CRACD: variants seen among roughly 807,000 people sequenced by gnomAD.
CRACD encodes the protein capping protein inhibiting regulator of actin dynamics, also known as capping protein-inhibiting regulator of actin dynamics.
A neutral mutation model predicts 106.8 loss-of-function variants in CRACD; 56 were observed. The ratio of observed to expected loss-of-function variants is 0.52; its 90% CI spans 0.42 to 0.66. CRACD has a LOEUF of 0.66. CRACD is among the 30% of genes least tolerant of loss of function. The pLI is 0.00. For synonymous variants in CRACD, 754 were observed against 670.8 expected, an observed-to-expected ratio of 1.12 and a Z score of -1.92; for missense variants, 1,730 against 1,623.2, an observed-to-expected ratio of 1.07 and a Z score of -1.13.
At chr4:56,060,572 G>A (rs955564084) in intron 1 of CRACD, among the ~76,000 whole-genome samples, 8 of 152,192 alleles carry the variant, frequency 5.3e-5, no homozygotes, top group East Asian at 1.9e-4. Flanking sequence ...TGGCAGGAAC[G>A]TCAGGCATGG....
At chr4:56,267,031 C>T (rs1025950835) in intron 2 of CRACD, among the ~76,000 whole-genome samples, 3 of 152,266 alleles carry the variant, frequency 2.0e-5, no homozygotes. Context: ...AATGTAATTT[C>T]TGAGTCTTTT....
intron 4 of CRACD, 70 bp from the exon 5 acceptor site, chr4:56,307,465 G>T (rs1440329135): frequency 4.6e-6 from 7 of 1,523,466 alleles, no homozygotes; most frequent in Non-Finnish European, 6.3e-6. Context: ...TAGACATGCT[G>T]GAGAACCTGG....
At chr4:56,240,182 T>C (rs990063027) in intron 2 of CRACD, among the ~76,000 whole-genome samples, 1 of 152,146 alleles carries the variant, frequency 6.6e-6, no homozygotes, top group Non-Finnish European at 1.5e-5. Context: ...TGGGTTATAA[T>C]AAATGGCATT....
intron 1 of CRACD, among the ~76,000 whole-genome samples, chr4:56,178,719 T>C (rs1736689520): frequency 6.6e-6 from 1 of 152,208 alleles, no homozygotes; most frequent in Admixed American, 6.5e-5. Flanking sequence ...AGGGCCTGTG[T>C]TAATCTGAGG....
intron 2 of CRACD, among the ~76,000 whole-genome samples, chr4:56,229,786 G>A (rs1022876061): frequency 2.6e-5 from 4 of 152,140 alleles, no homozygotes; most frequent in African/African-American, 9.7e-5. Context: ...CTCAGCCAGG[G>A]ATAAGGTGTA....
chr4:56,114,237 G>T (rs973541947), intron 1 of CRACD, among the ~76,000 whole-genome samples: 17 of 151,304 alleles, frequency 1.1e-4, no homozygotes, highest in Non-Finnish European at 1.8e-4. Context: ...CACACCTATT[G>T]TAATATAGGC....
chr4:56,263,720 T>TA (rs1213529088), intron 2 of CRACD, among the ~76,000 whole-genome samples: 1 of 152,160 alleles, frequency 6.6e-6, no homozygotes, highest in East Asian at 1.9e-4. Context: ...AGAGAATATT[T>TA]AAAAAATATT....
At chr4:56,259,791 C>T (rs1169642178) in intron 2 of CRACD, among the ~76,000 whole-genome samples, 2 of 152,122 alleles carry the variant, frequency 1.3e-5, no homozygotes, top group Admixed American at 6.6e-5. Context: ...GGTTGCTGGA[C>T]TGGCTGGGGT....
chr4:56,121,758 G>A (rs1184353285), intron 1 of CRACD, among the ~76,000 whole-genome samples: 1 of 152,196 alleles, frequency 6.6e-6, no homozygotes, highest in African/African-American at 2.4e-5. Flanking sequence ...CACTTCCACA[G>A]ATGTATCAGT....
chr4:56,240,495 T>G (rs1208872584), intron 2 of CRACD, among the ~76,000 whole-genome samples: 1 of 152,196 alleles, frequency 6.6e-6, no homozygotes, highest in Non-Finnish European at 1.5e-5. Context: ...TTAGCCAACT[T>G]GCATGCCTGA....
intron 1 of CRACD, among the ~76,000 whole-genome samples, chr4:56,061,760 G>T (rs1313264450): frequency 6.6e-6 from 1 of 152,170 alleles, no homozygotes; most frequent in Non-Finnish European, 1.5e-5. Flanking sequence ...TCTGTTTCTA[G>T]ATAGAGTAGC....
At chr4:56,178,987 A>G (rs1426853293) in intron 1 of CRACD, among the ~76,000 whole-genome samples, 1 of 152,230 alleles carries the variant, frequency 6.6e-6, no homozygotes, top group Admixed American at 6.5e-5. Flanking sequence ...TACATGAAGA[A>G]TATGTGTGCA....
chr4:56,202,706 T>C (rs1737942702), intron 2 of CRACD, among the ~76,000 whole-genome samples: 1 of 152,212 alleles, frequency 6.6e-6, no homozygotes, highest in Admixed American at 6.5e-5. Context: ...AAAAAGATGT[T>C]TCTAAAGTAT....
At chr4:56,201,174 T>C (rs558302695) in intron 2 of CRACD, among the ~76,000 whole-genome samples, 1 of 152,286 alleles carries the variant, frequency 6.6e-6, no homozygotes, top group South Asian at 2.1e-4. Flanking sequence ...CTACTCAGAG[T>C]GTGCTGAGGT....
chr4:56,315,451 G>T lies in CRACD; in HGVS notation c.1949G>T (p.Gly650Val). Residue 650 changes from glycine to valine, a missense_variant, in exon 8 of 11, where the codon GGG becomes GTG. Gly to Val is a moderately radical substitution (Grantham distance 109). Coordinates refer to ENST00000682029, the MANE Select transcript of CRACD (RefSeq NM_001393381.1). This position sits in a 1 kb window ranked among gnomAD's most constrained non-coding sequence, Gnocchi z 4.1. ...CCCGGCGACGCGAGGGCGGGCAGCG[G>T]GAAGGCTAAGCCCCGCCAGGAGTCT... ...RGPGDARAGSGKAKPRQESPS... is the reference protein window; with the variant it reads ...RGPGDARAGSVKAKPRQESPS... 1 of 1,613,012 alleles carries T rather than the reference G, an allele frequency of 6.2e-7. No individual in the cohort carries two copies. Among genetic ancestry groups the T allele is most frequent in the East Asian group, 2.2e-5 (1 of 44,838 alleles).
intron 1 of CRACD, among the ~76,000 whole-genome samples, chr4:56,173,908 A>G (rs6834514): frequency 0.68 from 102,754 of 152,098 alleles, 35,099 homozygotes; most frequent in African/African-American, 0.72. Flanking sequence ...ATCTTTGATA[A>G]TGGCCATCCT....
chr4:56,274,348 C>A (rs1325948794), intron 3 of CRACD, among the ~76,000 whole-genome samples: 3 of 152,154 alleles, frequency 2.0e-5, no homozygotes, highest in African/African-American at 7.2e-5. Flanking sequence ...GAGGTCAAGT[C>A]TGGAAAGTTC....
rs75750266 is a variant in CRACD, at chr4:56,087,334, G to A, written c.-336+38035G>A. On this transcript the variant is annotated intron_variant, in intron 1 of 10. Transcript: ENST00000682029. ...AGCCCTAAAGGAGTACTAGTGATTT[G>A]GCATTGAGAAATAGGATGGATGCAT... Among the ~76,000 whole-genome samples the A allele has an allele frequency of 4.6e-3, 702 of 152,200 alleles. 9 individuals carry two copies. Among genetic ancestry groups the A allele is most frequent in the African/African-American group, 0.016 (672 of 41,528 alleles).
chr4:56,324,992 T>C (rs1392330230), intron 10 of CRACD, among the ~76,000 whole-genome samples: 8 of 152,140 alleles, frequency 5.3e-5, no homozygotes, highest in Non-Finnish European at 1.2e-4. Context: ...CCCCAAAATA[T>C]ATACAAGTAT....
Sources: allele counts gnomAD v4.1 joint callset (sites outside exome capture counted in the v4.1 genomes callset), GRCh38; gene constraint gnomAD v4.1.1; non-coding constraint Gnocchi (gnomAD v3.1); transcripts MANE v1.5; gene names NCBI Gene and HGNC (gene_info 2026-07-23, HGNC 2026-07-21).